The following NTRK2 variants were observed in gnomAD, a reference collection of about 807,000 sequenced individuals.
NTRK2 encodes the protein BDNF/NT-3 growth factors receptor.
A neutral mutation model predicts 94.5 loss-of-function variants in NTRK2; 13 were observed. That is an observed-to-expected ratio of 0.14 (90% CI 0.09 to 0.22). The LOEUF (loss-of-function observed/expected upper bound fraction) is 0.22, where lower values mean the gene tolerates loss of function less well. Among genes scored for constraint, NTRK2 ranks in the 10% least tolerant of loss-of-function variants. The probability of loss-of-function intolerance (pLI) is 1.00; values close to 1 mark genes in which losing one functional copy is unlikely to be tolerated. For synonymous variants in NTRK2, 372 were observed against 407.4 expected (o/e 0.91, Z 1.05); for missense variants, 639 against 1,071.2 (o/e 0.60, Z 5.63).
At chr9:84,791,759 T>A (rs2068759667) in intron 12 of NTRK2, among the ~76,000 whole-genome samples, 2 of 152,238 alleles carry the variant, frequency 1.3e-5, no homozygotes, top group Admixed American at 1.3e-4. Flanking sequence ...GAGATTAGAA[T>A]CTCATAGTTT....
chr9:84,988,511 G>A (rs1228033346), intron 17 of NTRK2, among the ~76,000 whole-genome samples: 1 of 152,138 alleles, frequency 6.6e-6, no homozygotes, highest in Non-Finnish European at 1.5e-5. Context: ...CCCAAAGAGT[G>A]AGACAATTCT....
intron 2 of NTRK2, among the ~76,000 whole-genome samples, chr9:84,697,294 T>C (rs1361902852): frequency 3.6e-4 from 55 of 152,092 alleles, no homozygotes; most frequent in Admixed American, 3.6e-3. Context: ...GGACATGGGC[T>C]CTGGGGGCGG....
intron 4 of NTRK2, among the ~76,000 whole-genome samples, 169 bp from the exon 5 acceptor site, chr9:84,707,675 G>GA (rs980062712): frequency 6.6e-6 from 1 of 152,080 alleles, no homozygotes; most frequent in African/African-American, 2.4e-5. Context: ...AAGGTTAGAG[G>GA]AAAAACTCAG....
At chr9:84,961,958 A>G (rs1213063510) in intron 17 of NTRK2, among the ~76,000 whole-genome samples, 1 of 152,244 alleles carries the variant, frequency 6.6e-6, no homozygotes, top group Non-Finnish European at 1.5e-5. Flanking sequence ...ATGTCAATGT[A>G]AACATCACAG....
intron 16 of NTRK2, among the ~76,000 whole-genome samples, chr9:84,948,954 T>C (rs937993878): frequency 3.9e-5 from 6 of 152,158 alleles, no homozygotes; most frequent in Non-Finnish European, 7.3e-5. Flanking sequence ...GAGTTTGCTA[T>C]GTGGTGTTAT....
chr9:84,811,548 G>A, intron 12 of NTRK2: 1 of 1,065,380 alleles, frequency 9.4e-7, no homozygotes, highest in Non-Finnish European at 1.1e-6. Context: ...CAGAACTGCA[G>A]CTTTTCTACT....
intron 17 of NTRK2, among the ~76,000 whole-genome samples, chr9:84,992,056 G>A (rs1829148297): frequency 6.6e-6 from 1 of 152,144 alleles, no homozygotes; most frequent in African/African-American, 2.4e-5. Context: ...CTGGAATGTG[G>A]ACCAGTGGTA....
intron 12 of NTRK2, among the ~76,000 whole-genome samples, chr9:84,798,810 G>T (rs2069966271): frequency 6.6e-6 from 1 of 151,538 alleles, no homozygotes; most frequent in Non-Finnish European, 1.5e-5. Flanking sequence ...TGAACATAAA[G>T]CATTTGCCAC....
chr9:84,696,108 C>G (rs1056268098), intron 2 of NTRK2, among the ~76,000 whole-genome samples: 9 of 152,176 alleles, frequency 5.9e-5, no homozygotes, highest in Admixed American at 2.0e-4. Flanking sequence ...TTCTTGGACT[C>G]AAGTGATCCT....
At chr9:84,947,608 A>T (rs2078643880) in intron 15 of NTRK2, among the ~76,000 whole-genome samples, 1 of 152,348 alleles carries the variant, frequency 6.6e-6, no homozygotes, top group South Asian at 2.1e-4. Flanking sequence ...CTGGAGAGAG[A>T]TGCAGGTGCT....
chr9:84,699,282 C>T (rs536988919), intron 2 of NTRK2, among the ~76,000 whole-genome samples: 19 of 152,218 alleles, frequency 1.2e-4, no homozygotes, highest in South Asian at 6.2e-4. Flanking sequence ...GTGATCCGCC[C>T]GACTTGGCCT....
intron 14 of NTRK2, among the ~76,000 whole-genome samples, chr9:84,921,076 G>A (rs544581789): frequency 1.3e-5 from 2 of 152,166 alleles, no homozygotes; most frequent in Non-Finnish European, 2.9e-5. Flanking sequence ...CATCACTGAA[G>A]CTCTCCCAGG....
intron 12 of NTRK2, among the ~76,000 whole-genome samples, chr9:84,823,842 C>A (rs2073012135): frequency 6.6e-6 from 1 of 152,232 alleles, no homozygotes; most frequent in African/African-American, 2.4e-5. Context: ...TCTGGCTGGA[C>A]ATTCTGCTCG....
At chr9:84,718,023 CT>C (rs2061817214) in intron 6 of NTRK2, among the ~76,000 whole-genome samples, 1 of 149,764 alleles carries the variant, frequency 6.7e-6, no homozygotes. Context: ...CTTCTTCTTC[CT>C]CTTCCCCTTC....
At chr9:84,717,927 G>A (rs2061805122) in intron 6 of NTRK2, among the ~76,000 whole-genome samples, 1 of 152,112 alleles carries the variant, frequency 6.6e-6, no homozygotes, top group South Asian at 2.1e-4. Flanking sequence ...TTTATAGCAG[G>A]AGTTCTCAGA....
intron 12 of NTRK2, among the ~76,000 whole-genome samples, chr9:84,819,440 CT>C (rs2133674344): frequency 6.6e-6 from 1 of 152,302 alleles, no homozygotes; most frequent in African/African-American, 2.4e-5. Flanking sequence ...TGCTTCCAGG[CT>C]TTTCAAAGAC....
At chr9:84,876,307 A>T in intron 14 of NTRK2, 1 of 1,047,828 alleles carries the variant, frequency 9.5e-7, no homozygotes, top group Non-Finnish European at 1.2e-6. Context: ...AGATTACATG[A>T]AATGTCTGCT....
chr9:84,900,994 C>T (rs935657719), intron 14 of NTRK2, among the ~76,000 whole-genome samples: 2 of 152,094 alleles, frequency 1.3e-5, no homozygotes, highest in African/African-American at 4.8e-5. Flanking sequence ...GCTCCCACTT[C>T]GACCTAGAAA....
intron 12 of NTRK2, among the ~76,000 whole-genome samples, chr9:84,840,024 TTCC>T (rs917410644): frequency 6.6e-5 from 10 of 151,978 alleles, no homozygotes; most frequent in Non-Finnish European, 1.3e-4. Context: ...TTTCCCTTTC[TTCC>T]TCCTCCTCCT....
Sources: gnomAD v4.1 joint callset for allele counts (sites outside exome capture counted in the v4.1 genomes callset) on GRCh38, gnomAD v4.1.1 for gene constraint, MANE v1.5 for transcripts, NCBI Gene and HGNC (gene_info 2026-07-23, HGNC 2026-07-21) for gene names.